The following CKAP4 variants were observed in gnomAD, a reference collection of about 807,000 sequenced individuals.
CKAP4 encodes cytoskeleton associated protein 4, also known as cytoskeleton-associated protein 4.
A neutral mutation model predicts 24.4 loss-of-function variants in CKAP4; 20 were observed. The ratio of observed to expected loss-of-function variants is 0.82; its 90% confidence interval spans 0.58 to 1.19. CKAP4 has a LOEUF of 1.19. Ranked by LOEUF, CKAP4 falls within the 50% of genes most tolerant of loss-of-function variation. The pLI, the probability that CKAP4 is intolerant of heterozygous loss-of-function variation, is 0.00. For missense variants in CKAP4, 744 were observed against 765.3 expected (o/e 0.97, Z 0.33); for synonymous variants, 378 against 351.7 (o/e 1.07, Z -0.84).
chr12:106,239,557 C>A lies in CKAP4; in HGVS notation c.1276G>T (p.Ala426Ser), dbSNP rs1293902183. 1.2e-6 allele frequency: 2 copies of A among 1,613,094 alleles called. No individual in the cohort carries two copies. Among genetic ancestry groups the A allele is most frequent in the South Asian group, 1.1e-5 (1 of 91,072 alleles). Residue 426 changes from alanine to serine, a missense_variant, in exon 2 of 2, where the codon GCT becomes TCT. By Grantham distance (99) the Ala-to-Ser change is moderately conservative. Around this residue, in one of 3 missense-constraint regions of CKAP4, gnomAD observed 401 missense variants for 424.5 expected, o/e 0.94. Transcript: ENST00000378026. This position sits in a 1 kb window ranked among gnomAD's most constrained non-coding sequence, Gnocchi z 4.9. ...AGGCTCTCGGTCTGGCGCGCAGAAG[C>A]CACCTGCATGGAGAGCACCCCATCC... ...VEDGVLSMQV[A>S]SARQTESLES...
At chr12:106,242,431 C>A (rs1373450338) in intron 1 of CKAP4, among the ~76,000 whole-genome samples, 1 of 152,210 alleles carries the variant, frequency 6.6e-6, no homozygotes, top group Non-Finnish European at 1.5e-5. Flanking sequence ...CCACCAGTAG[C>A]CAGCTCTGTA....
chr12:106,243,711 AG>A (rs1015863206), intron 1 of CKAP4, among the ~76,000 whole-genome samples: 2 of 152,206 alleles, frequency 1.3e-5, no homozygotes, highest in African/African-American at 4.8e-5. Context: ...ACAGTCATTC[AG>A]AAGATTTGAG....
In CKAP4 at chr12:106,239,302, G is replaced by T; in HGVS notation, c.1531C>A (p.His511Asn). Reference protein sequence around the residue: ...ESLQKVQEQVHTLLSQDQAQA... With the variant: ...ESLQKVQEQVNTLLSQDQAQA... ...GCTTGGTCCTGACTGAGCAGCGTGTGCACCTGCTCCTGCACCTTCTGGAGT... is the reference window on the plus strand; with the variant it reads ...GCTTGGTCCTGACTGAGCAGCGTGTTCACCTGCTCCTGCACCTTCTGGAGT... Residue 511 changes from histidine to asparagine, a missense_variant, in exon 2 of 2, where the codon CAC becomes AAC. His to Asn is a moderately conservative substitution (Grantham distance 68, BLOSUM62 1). Coordinates refer to ENST00000378026, the MANE Select transcript of CKAP4 (RefSeq NM_006825.4). The surrounding 1 kb of genome is among the most constrained non-coding windows in gnomAD (Gnocchi z 4.9). The T allele has an allele frequency of 6.2e-7, 1 of 1,611,168 alleles. No homozygotes were observed.
chr12:106,243,969 A>C (rs938147465), intron 1 of CKAP4, among the ~76,000 whole-genome samples: 2 of 152,228 alleles, frequency 1.3e-5, no homozygotes, highest in African/African-American at 4.8e-5. Context: ...GAATACTGTA[A>C]GTATACTTCC....
Position 106,239,368 on chromosome 12 carries a change from G to A in CKAP4, c.1465C>T (p.Leu489=). 1 of 1,603,384 alleles carries A rather than the reference G, an allele frequency of 6.2e-7. No homozygotes were observed. Residue 489 remains leucine (L), a synonymous_variant, in exon 2 of 2, where the codon CTG becomes TTG. Transcript: ENST00000378026. This position sits in a 1 kb window ranked among gnomAD's most constrained non-coding sequence, Gnocchi z 4.9. ...QLVLYGDVEE[L]KRSVGELPST... The stretch of plus-strand genomic sequence containing the variant: ...GGGAGCTCGCCCACACTCCTCTTCA[G>A]CTCCTCCACGTCACCGTAGAGCACC...
rs572619681 is a variant in CKAP4, at chr12:106,247,569, AGGCGGCGGCGGC to A, written c.271_282del (p.Ala91_Ala94del). On this transcript the variant is annotated inframe_deletion, in exon 1 of 2. Coordinates refer to ENST00000378026, the MANE Select transcript of CKAP4 (RefSeq NM_006825.4). This position sits in a 1 kb window ranked among gnomAD's most constrained non-coding sequence, Gnocchi z 4.5. ...CTGCGCGAGCAGGACGCCGAGGACG[AGGCGGCGGCGGC>A]GGCAGCGGCGGCGGAGGCGGAGGAG... is the stretch of plus-strand genomic sequence containing the variant. 1.7e-5 allele frequency: 23 copies of A among 1,381,146 alleles called. No homozygotes were observed. Among genetic ancestry groups the A allele is most frequent in the South Asian group, 5.6e-5 (4 of 71,848 alleles). 85.6% of individuals were successfully genotyped at this position (1,381,146 alleles called of 1,614,324 possible). A position where few individuals can be genotyped will look rare whatever the true frequency, so the allele number is the denominator to read the frequency against.
chr12:106,239,405 G>C lies in CKAP4; in HGVS notation c.1428C>G (p.Gly476=). ...CACCGTAGAGCACCAGCTGGGTCTC[G>C]CCCAGGCTCCTCACCGTGCTGGCCA... The part of the protein sequence containing the change: ...DGLASTVRSL[G]ETQLVLYGDV... Residue 476 remains glycine (G), a synonymous_variant, in exon 2 of 2, where the codon GGC becomes GGG. Coordinates refer to ENST00000378026, the MANE Select transcript of CKAP4 (RefSeq NM_006825.4). The surrounding 1 kb of genome is among the most constrained non-coding windows in gnomAD (Gnocchi z 4.9). The C allele has an allele frequency of 6.3e-7, 1 of 1,599,764 alleles. No individual in the cohort carries two copies. Among genetic ancestry groups the C allele is most frequent in the Non-Finnish European group, 8.5e-7 (1 of 1,177,724 alleles).
chr12:106,247,066 A>G lies in CKAP4; in HGVS notation c.483+303T>C, dbSNP rs2034018014. The stretch of plus-strand genomic sequence containing the variant: ...GCCGGCTTCCTTACAGGTCACCGCT[A>G]ATGCCCTGTGACAGGCCCTTGGCCC... On this transcript the variant is annotated intron_variant, in intron 1 of 1. Transcript: ENST00000378026. This position sits in a 1 kb window ranked among gnomAD's most constrained non-coding sequence, Gnocchi z 4.5. 3.0e-6 allele frequency: 1 copy of G among 328,578 alleles called. No homozygotes were observed. Among genetic ancestry groups the G allele is most frequent in the Non-Finnish European group, 5.7e-6 (1 of 176,794 alleles). The allele number at this position is 328,578 out of a possible 1,614,324, so 20.4% of individuals were successfully genotyped here.
intron 1 of CKAP4, among the ~76,000 whole-genome samples, chr12:106,243,395 A>T (rs1468310764): frequency 6.6e-6 from 1 of 152,218 alleles, no homozygotes; most frequent in Non-Finnish European, 1.5e-5. Flanking sequence ...AAGTGCCCTG[A>T]GTACCTGGAA....
Position 106,247,063 on chromosome 12 carries a change from G to A in CKAP4, c.483+306C>T, listed in dbSNP as rs2034017972. 6.3e-6 allele frequency: 2 copies of A among 318,578 alleles called. No homozygotes were observed. Among genetic ancestry groups the A allele is most frequent in the Non-Finnish European group, 1.2e-5 (2 of 171,090 alleles). The allele number at this position is 318,578 out of a possible 1,614,324, so 19.7% of individuals were successfully genotyped here. A position where few individuals can be genotyped will look rare whatever the true frequency, so the allele number is the denominator to read the frequency against. On this transcript the variant is annotated intron_variant, in intron 1 of 1. Transcript: ENST00000378026. This position sits in a 1 kb window ranked among gnomAD's most constrained non-coding sequence, Gnocchi z 4.5. Reference sequence around the variant, plus strand: ...CCTGCCGGCTTCCTTACAGGTCACCGCTAATGCCCTGTGACAGGCCCTTGG... The same window carrying A: ...CCTGCCGGCTTCCTTACAGGTCACCACTAATGCCCTGTGACAGGCCCTTGG...
chr12:106,240,754 T>G (rs2033963351), intron 1 of CKAP4, among the ~76,000 whole-genome samples: 1 of 151,366 alleles, frequency 6.6e-6, no homozygotes, highest in Admixed American at 6.6e-5. Context: ...AAGAGACATG[T>G]CGTGAGGATG....
intron 1 of CKAP4, among the ~76,000 whole-genome samples, chr12:106,241,310 TA>T (rs1221853224): frequency 2.2e-4 from 32 of 147,992 alleles, no homozygotes; most frequent in African/African-American, 8.0e-4. Flanking sequence ...TTGGGTAAAC[TA>T]AAAATGTCAG....
intron 1 of CKAP4, chr12:106,245,785 G>GGGTT (rs914912730): frequency 1.7e-4 from 26 of 152,236 alleles, no homozygotes; most frequent in African/African-American, 6.0e-4. Flanking sequence ...AGTAGACACA[G>GGGTT]GGTTTCACCA....
At position 106,247,982 on chromosome 12, in the gene CKAP4, A is replaced by G; in HGVS notation, c.-131T>C. On this transcript the variant is annotated 5_prime_UTR_variant, in exon 1 of 2. Transcript: ENST00000378026. This position sits in a 1 kb window ranked among gnomAD's most constrained non-coding sequence, Gnocchi z 4.5. ...GGGCGCTGCTGGCGTCGGAGCGGCG[A>G]GAGGACGCGCGGCCGGGGAAGGAGG... The G allele has an allele frequency of 2.0e-6, 1 of 494,726 alleles. No homozygotes were observed. The allele number at this position is 494,726 out of a possible 1,614,324, so 30.6% of individuals were successfully genotyped here.
rs1473285984 is a variant in CKAP4 at position 106,239,380 on chromosome 12, C to T, written c.1453G>A (p.Asp485Asn). 3.7e-6 allele frequency: 6 copies of T among 1,600,892 alleles called. No homozygotes were observed. In the Admixed American group the frequency reaches 8.3e-5, roughly 22 times the overall value. The stretch of plus-strand genomic sequence containing the variant: ...ACACTCCTCTTCAGCTCCTCCACGT[C>T]ACCGTAGAGCACCAGCTGGGTCTCG... The part of the protein sequence containing the change: ...LGETQLVLYG[D>N]VEELKRSVGE... Residue 485 changes from aspartate (D) to asparagine (N), a missense_variant, in exon 2 of 2, where the codon GAC becomes AAC. Coordinates refer to ENST00000378026, the MANE Select transcript of CKAP4 (RefSeq NM_006825.4). The surrounding 1 kb of genome is among the most constrained non-coding windows in gnomAD (Gnocchi z 4.9).
Position 106,239,960 on chromosome 12 carries a change from T to C in CKAP4, c.873A>G (p.Glu291=), listed in dbSNP as rs1289152562. Residue 291 remains glutamate (E), a synonymous_variant, in exon 2 of 2, where the codon GAA becomes GAG. Coordinates refer to ENST00000378026, the MANE Select transcript of CKAP4 (RefSeq NM_006825.4). The surrounding 1 kb of genome is among the most constrained non-coding windows in gnomAD (Gnocchi z 4.9). ...CTGAGGTCTGTATCTCCTTCACAGC[T>C]TCCTTTAAGGCTTTCAAATCCTGCT... is the stretch of plus-strand genomic sequence containing the variant. ...GNKQDLKALK[E]AVKEIQTSAK... is the part of the protein sequence containing the mutation. The C allele has an allele frequency of 3.1e-6, 5 of 1,614,026 alleles. No homozygotes were observed. The African/African-American group carries it at 6.7e-5, about 22-fold the overall frequency.
At position 106,238,821 on chromosome 12, in the gene CKAP4, A is replaced by T; in HGVS notation, c.*203T>A. The T allele has an allele frequency of 3.3e-6, 2 of 610,984 alleles. No individual in the cohort carries two copies. The highest frequency in any genetic ancestry group is 5.7e-6 in the Non-Finnish European group (2 of 353,140). The allele number at this position is 610,984 out of a possible 1,614,324, so 37.8% of individuals were successfully genotyped here. The stretch of plus-strand genomic sequence containing the variant: ...ACAGGGGCTGCGCTTCAGGAAACCA[A>T]CCAAATGCAGAAGCAGAGAACTTAA... On this transcript the variant is annotated 3_prime_UTR_variant, in exon 2 of 2. Coordinates refer to ENST00000378026, the MANE Select transcript of CKAP4 (RefSeq NM_006825.4).
chr12:106,239,561 C>G lies in CKAP4; in HGVS notation c.1272G>C (p.Gln424His). The change falls in exon 2 of 2, where the codon CAG (glutamine) becomes CAC (histidine). Residue 424 changes from glutamine to histidine, a missense_variant. Coordinates refer to ENST00000378026, the MANE Select transcript of CKAP4 (RefSeq NM_006825.4). The surrounding 1 kb of genome is among the most constrained non-coding windows in gnomAD (Gnocchi z 4.9). ...TCTCGGTCTGGCGCGCAGAAGCCAC[C>G]TGCATGGAGAGCACCCCATCCTCCA... ...QHVEDGVLSMQVASARQTESL... is the reference protein window; with the variant it reads ...QHVEDGVLSMHVASARQTESL... The G allele has an allele frequency of 1.2e-6, 2 of 1,613,594 alleles. No homozygotes were observed. The highest frequency in any genetic ancestry group is 2.2e-5 in the South Asian group (2 of 91,072).
At chr12:106,246,395 TAGA>T (rs1484945017) in intron 1 of CKAP4, among the ~76,000 whole-genome samples, 6 of 152,214 alleles carry the variant, frequency 3.9e-5, no homozygotes, top group Non-Finnish European at 7.3e-5. Context: ...TAAATGTGGC[TAGA>T]AGTATTATTC....
Sources: allele counts gnomAD v4.1 joint callset (sites outside exome capture counted in the v4.1 genomes callset), GRCh38; gene constraint gnomAD v4.1.1; regional missense constraint gnomAD v4.1.1; non-coding constraint Gnocchi (gnomAD v3.1); transcripts MANE v1.5; gene names NCBI Gene and HGNC (gene_info 2026-07-23, HGNC 2026-07-21).